Variants in DTD1 observed in about 807,000 individuals in gnomAD.
DTD1 encodes D-aminoacyl-tRNA deacylase 1.
A neutral mutation model predicts 25.6 loss-of-function variants in DTD1; 13 were observed. The observed-to-expected ratio is 0.51, with a 90% CI of 0.33 to 0.81. DTD1 has a LOEUF of 0.81. Among genes scored for constraint, DTD1 ranks in the 30% least tolerant of loss-of-function variants. DTD1 has a pLI of 0.02. For missense variants in DTD1, 193 were observed against 266.4 expected (o/e 0.72, Z 1.92); for synonymous variants, 110 against 103.6 (o/e 1.06, Z -0.37).
At chr20:18,653,964 A>G (rs2060882990) in intron 4 of DTD1, among the ~76,000 whole-genome samples, 1 of 152,230 alleles carries the variant, frequency 6.6e-6, no homozygotes, top group African/African-American at 2.4e-5. Flanking sequence ...TGGCTAAGTG[A>G]GAGAGCTGGA....
At chr20:18,667,571 CT>C (rs5840820) in intron 4 of DTD1, among the ~76,000 whole-genome samples, 48,911 of 152,064 alleles carry the variant, frequency 0.32, 8,504 homozygotes, top group South Asian at 0.43. Context: ...AAGGTCCCCC[CT>C]GGCATACAGC....
chr20:18,765,436 G>C lies in DTD1; in HGVS notation c.*2096G>C, dbSNP rs1191216375. The C allele has an allele frequency of 6.6e-6, 1 of 152,186 alleles. No homozygotes were observed. The highest frequency in any genetic ancestry group is 2.4e-5 in the African/African-American group (1 of 41,446). 9.4% of individuals were successfully genotyped at this position (152,186 alleles called of 1,614,324 possible). ...AAAACATCTTCCTCACAGTATGCAGGAACATGGTAAAAGAAAGCATTTACT... is the reference window on the plus strand; with the variant it reads ...AAAACATCTTCCTCACAGTATGCAGCAACATGGTAAAAGAAAGCATTTACT... On this transcript the variant is annotated 3_prime_UTR_variant, in exon 6 of 6. Coordinates refer to ENST00000377452, the MANE Select transcript of DTD1 (RefSeq NM_080820.6).
In DTD1 at chr20:18,718,019, TGG is replaced by T. The variant is rs1440487509; in HGVS notation, c.478-26079_478-26078del. Reference sequence around the variant, plus strand: ...GTCTGGGTTCAAAAGGAAACAGGTTTGGGAGCCTCTTGGGAAACAGCCAAAGA... The same window carrying T: ...GTCTGGGTTCAAAAGGAAACAGGTTTGAGCCTCTTGGGAAACAGCCAAAGA... On this transcript the variant is annotated intron_variant, in intron 4 of 5. Transcript: ENST00000377452. 3.9e-5 allele frequency among the ~76,000 whole-genome samples: 6 copies of T among 152,330 alleles called. No individual in the cohort carries two copies. In the East Asian group the frequency reaches 9.6e-4, roughly 24 times the overall value.
chr20:18,689,352 T>G (rs150996274), intron 4 of DTD1, among the ~76,000 whole-genome samples: 1 of 152,220 alleles, frequency 6.6e-6, no homozygotes, highest in African/African-American at 2.4e-5. Context: ...TTAAAATTCT[T>G]TATCAGTTTT....
chr20:18,744,390 T>C, intron 5 of DTD1, 119 bp downstream of exon 5: 1 of 1,108,760 alleles, frequency 9.0e-7, no homozygotes, highest in Non-Finnish European at 1.3e-6. Context: ...ATAGCTTCCT[T>C]AAATCTGCTG....
chr20:18,663,104 A>G (rs1212064060), intron 4 of DTD1, among the ~76,000 whole-genome samples: 2 of 152,142 alleles, frequency 1.3e-5, no homozygotes, highest in Middle Eastern at 3.2e-3. Context: ...TAACCTCTCT[A>G]TTAACAATGG....
chr20:18,753,003 T>C (rs2061326301), intron 5 of DTD1, among the ~76,000 whole-genome samples: 1 of 152,204 alleles, frequency 6.6e-6, no homozygotes, highest in African/African-American at 2.4e-5. Flanking sequence ...CCTTATTGAT[T>C]AGAAAATAAC....
chr20:18,758,236 T>C (rs942974590), intron 5 of DTD1, among the ~76,000 whole-genome samples: 22 of 152,298 alleles, frequency 1.4e-4, no homozygotes, highest in African/African-American at 5.1e-4. Flanking sequence ...CTGGATTCAT[T>C]GATTTTTTGA....
At chr20:18,614,182 C>CAGAGATCAGGTTT (rs2060699748) in intron 3 of DTD1, among the ~76,000 whole-genome samples, 2 of 152,270 alleles carry the variant, frequency 1.3e-5, no homozygotes, top group Non-Finnish European at 2.9e-5. Context: ...AGCCTCAGAG[C>CAGAGATCAGGTTT]AGAGATCAGG....
In DTD1 at chr20:18,749,409, C is replaced by T. The variant is rs140822107; in HGVS notation, c.*19+5138C>T. Among the ~76,000 whole-genome samples the T allele has an allele frequency of 6.3e-4, 96 of 152,214 alleles. No homozygotes were observed. Among genetic ancestry groups the T allele is most frequent in the African/African-American group, 2.2e-3 (90 of 41,528 alleles). ...AGGAAAGCTGTGTTGGGTCTGTGGG[C>T]TGACTCTCGGTCCTGGATAGAAGTG... On this transcript the variant is annotated intron_variant, in intron 5 of 5. Transcript: ENST00000377452. This position sits in a 1 kb window ranked among gnomAD's most constrained non-coding sequence, Gnocchi z 4.2.
At chr20:18,706,035 A>T (rs1325367802) in intron 4 of DTD1, among the ~76,000 whole-genome samples, 2 of 152,334 alleles carry the variant, frequency 1.3e-5, no homozygotes, top group East Asian at 3.9e-4. Context: ...CTTTTCACTC[A>T]GATTTGGATA....
At position 18,596,221 on chromosome 20, in the gene DTD1, A is replaced by G; in HGVS notation, c.350A>G (p.Tyr117Cys). 1 of 1,614,094 alleles carries G rather than the reference A, an allele frequency of 6.2e-7. No individual in the cohort carries two copies. The highest frequency in any genetic ancestry group is 1.1e-5 in the South Asian group (1 of 91,076). Residue 117 changes from tyrosine (Y) to cysteine (C), a missense_variant, in exon 3 of 6, where the codon TAC becomes TGC. Physicochemically the swap from Tyr to Cys is radical, Grantham distance 194 (BLOSUM62 -2). Coordinates refer to ENST00000377452, the MANE Select transcript of DTD1 (RefSeq NM_080820.6). ...NSFLEQLRKT[Y>C]RPELIKDGKF... ...TTCCTGGAGCAGCTGCGTAAAACAT[A>G]CAGGCCGGAGCTTATCAAAGGTAAG...
chr20:18,668,707 A>C (rs1032840581), intron 4 of DTD1, among the ~76,000 whole-genome samples: 1 of 152,090 alleles, frequency 6.6e-6, no homozygotes, highest in Non-Finnish European at 1.5e-5. Context: ...GAGTGAAATG[A>C]GCTACCAGGT....
At chr20:18,689,977 A>C (rs1040040542) in intron 4 of DTD1, among the ~76,000 whole-genome samples, 1 of 19,696 alleles carries the variant, frequency 5.1e-5, no homozygotes, top group Non-Finnish European at 1.9e-4. Context: ...GTCTCTACGA[A>C]AAACAAAAAT....
intron 4 of DTD1, among the ~76,000 whole-genome samples, chr20:18,646,544 C>G (rs532202657): frequency 6.6e-6 from 1 of 152,276 alleles, no homozygotes; most frequent in African/African-American, 2.4e-5. Context: ...AGTTGGGTGC[C>G]TGGGAATTCT....
chr20:18,752,708 C>T (rs930705663), intron 5 of DTD1, among the ~76,000 whole-genome samples: 17 of 152,068 alleles, frequency 1.1e-4, no homozygotes, highest in Non-Finnish European at 1.6e-4. Flanking sequence ...TTTTTGGGTC[C>T]GCTGACCTTG....
At chr20:18,727,814 GGCACGTGTCA>G (rs1235838263) in intron 4 of DTD1, among the ~76,000 whole-genome samples, 3 of 152,218 alleles carry the variant, frequency 2.0e-5, no homozygotes, top group African/African-American at 7.2e-5. Flanking sequence ...TCCATGCCAT[GGCACGTGTCA>G]GCACTTCAGT....
chr20:18,753,260 G>A lies in DTD1; in HGVS notation c.*19+8989G>A, dbSNP rs1419174169. ...AAATTCAACTAAACAGCACCAACCT[G>A]TAGGGATCAAGTTATGATTTTGATA... On this transcript the variant is annotated intron_variant, in intron 5 of 5. Coordinates refer to ENST00000377452, the MANE Select transcript of DTD1 (RefSeq NM_080820.6). Among the ~76,000 whole-genome samples, 5 of 152,192 alleles carry A rather than the reference G, an allele frequency of 3.3e-5. No individual in the cohort carries two copies. In the East Asian group the frequency reaches 9.6e-4, roughly 29 times the overall value.
intron 3 of DTD1, among the ~76,000 whole-genome samples, chr20:18,598,457 T>C (rs938543521): frequency 2.0e-5 from 3 of 152,142 alleles, no homozygotes; most frequent in African/African-American, 7.2e-5. Flanking sequence ...TGTGTCTTTA[T>C]AGTAGAATGA....
Sources: gnomAD v4.1 joint callset for allele counts (sites outside exome capture counted in the v4.1 genomes callset) on GRCh38, gnomAD v4.1.1 for gene constraint, Gnocchi (gnomAD v3.1) non-coding constraint, MANE v1.5 for transcripts, NCBI Gene and HGNC (gene_info 2026-07-23, HGNC 2026-07-21) for gene names.